SATB1: variants seen among roughly 807,000 people sequenced by gnomAD.
The protein encoded by SATB1 is DNA-binding protein SATB1.
In SATB1, 11 loss-of-function variants were observed where a neutral mutation model predicts 86.9. That is an observed-to-expected ratio of 0.13 (90% confidence interval 0.08 to 0.21). The LOEUF (loss-of-function observed/expected upper bound fraction) is 0.21, where lower values mean the gene tolerates loss of function less well. Ranked by LOEUF, SATB1 falls within the 10% of genes least tolerant of loss-of-function variation. The pLI, the probability that SATB1 is intolerant of heterozygous loss-of-function variation, is 1.00. For missense variants in SATB1, 551 were observed against 937.6 expected (o/e 0.59, Z 5.39); for synonymous variants, 357 against 357.2 (o/e 1.00, Z 0.01).
rs1395378578 is a variant in SATB1, at chr3:18,386,142, T to C, written c.1419+257A>G. 6.6e-6 allele frequency among the ~76,000 whole-genome samples: 1 copy of C among 152,142 alleles called. No homozygotes were observed. Among genetic ancestry groups the C allele is most frequent in the Non-Finnish European group, 1.5e-5 (1 of 68,020 alleles). On this transcript the variant is annotated intron_variant, in intron 8 of 10. Transcript: ENST00000338745. This position sits in a 1 kb window ranked among gnomAD's most constrained non-coding sequence, Gnocchi z 4.5. Reference sequence around the variant, plus strand: ...AACAACAGTAGAGACAAATATCCCATTTAAAGACTACTTTCACCCCCAAAT... The same window carrying C: ...AACAACAGTAGAGACAAATATCCCACTTAAAGACTACTTTCACCCCCAAAT...
chr3:18,356,644 G>A (rs1295692505), intron 9 of SATB1, among the ~76,000 whole-genome samples: 1 of 151,668 alleles, frequency 6.6e-6, no homozygotes, highest in African/African-American at 2.4e-5. Flanking sequence ...TAAAAATCCT[G>A]GCACCTTCAT....
chr3:18,397,401 C>A, intron 5 of SATB1, 111 bp from the exon 6 acceptor site: 4 of 677,346 alleles, frequency 5.9e-6, no homozygotes, highest in South Asian at 3.5e-5. Context: ...AGTACCAATA[C>A]ATTTTGGTTT....
intron 9 of SATB1, among the ~76,000 whole-genome samples, chr3:18,354,873 C>T (rs1694553434): frequency 6.6e-6 from 1 of 152,108 alleles, no homozygotes; most frequent in Admixed American, 6.5e-5. Context: ...ATATTTTGCT[C>T]ATATTGTCAC....
chr3:18,436,445 G>C (rs1460067020), intron 2 of SATB1, among the ~76,000 whole-genome samples: 3 of 149,532 alleles, frequency 2.0e-5, no homozygotes, highest in African/African-American at 7.4e-5. Flanking sequence ...AGCTGAGCAG[G>C]CACACTTAAC....
At chr3:18,406,561 G>A (rs1697547779) in intron 5 of SATB1, among the ~76,000 whole-genome samples, 1 of 152,010 alleles carries the variant, frequency 6.6e-6, no homozygotes, top group African/African-American at 2.4e-5. Context: ...TGCTGCATAT[G>A]TTTTTAAAGC....
chr3:18,445,187 C>CCGCCT, intron 1 of SATB1: 1 of 977,292 alleles, frequency 1.0e-6, no homozygotes, highest in South Asian at 4.7e-5. Flanking sequence ...AGGGCCCGGC[C>CCGCCT]CGCCTCCCCA....
chr3:18,379,153 A>G (rs554661455), intron 8 of SATB1, among the ~76,000 whole-genome samples: 1 of 152,366 alleles, frequency 6.6e-6, no homozygotes, highest in African/African-American at 2.4e-5. Context: ...TGCCTTTAGT[A>G]ATAGTGATAA....
Position 18,394,909 on chromosome 3 carries a change from C to A in SATB1, c.759G>T (p.Met253Ile), listed in dbSNP as rs1247937058. ...FKKTKDMMVE[M>I]DSLSELSQQG... ...GCTGGGATAGCTCAGAAAGACTATC[C>A]ATTTCAACTAAAGTGGACAAAGAGT... The change falls in exon 7 of 11, where the codon ATG becomes ATT. Residue 253 changes from methionine to isoleucine, a missense_variant. Physicochemically the swap from Met to Ile is conservative, Grantham distance 10. Transcript: ENST00000338745. The surrounding 1 kb of genome is among the most constrained non-coding windows in gnomAD (Gnocchi z 5.9). 1.3e-6 allele frequency: 2 copies of A among 1,583,528 alleles called. No homozygotes were observed. Among genetic ancestry groups the A allele is most frequent in the Admixed American group, 1.7e-5 (1 of 57,842 alleles).
rs1391167658 is a variant in SATB1, at chr3:18,349,857, C to T, written c.1780-175G>A. The T allele has an allele frequency of 1.5e-5, 18 of 1,161,848 alleles. No individual in the cohort carries two copies. The highest frequency in any genetic ancestry group is 4.7e-5 in the African/African-American group (3 of 64,146). The allele number at this position is 1,161,848 out of a possible 1,614,324, so 72.0% of individuals were successfully genotyped here. A position where few individuals can be genotyped will look rare whatever the true frequency, so the allele number is the denominator to read the frequency against. ...TGGCCGACAGCATTTACAAAAAAATCAAAATGATATGACTAGGAAGGGATG... is the reference window on the plus strand; with the variant it reads ...TGGCCGACAGCATTTACAAAAAAATTAAAATGATATGACTAGGAAGGGATG... On this transcript the variant is annotated intron_variant, in intron 10 of 10. Coordinates refer to ENST00000338745, the MANE Select transcript of SATB1 (RefSeq NM_002971.6). This position sits in a 1 kb window ranked among gnomAD's most constrained non-coding sequence, Gnocchi z 5.5.
chr3:18,386,341 C>G lies in SATB1; in HGVS notation c.1419+58G>C. 7 of 1,284,776 alleles carry G rather than the reference C, an allele frequency of 5.4e-6. No individual in the cohort carries two copies. The highest frequency in any genetic ancestry group is 7.8e-6 in the Non-Finnish European group (7 of 898,016). The allele number at this position is 1,284,776 out of a possible 1,614,324, so 79.6% of individuals were successfully genotyped here. ...TATCTAATTTCTTATTGAGATTCTT[C>G]CTCAAGCATTAAAAAAAAGCTAAAC... On this transcript the variant is annotated intron_variant, in intron 8 of 10. Coordinates refer to ENST00000338745, the MANE Select transcript of SATB1 (RefSeq NM_002971.6). The surrounding 1 kb of genome is among the most constrained non-coding windows in gnomAD (Gnocchi z 4.5).
intron 5 of SATB1, among the ~76,000 whole-genome samples, chr3:18,404,921 C>A (rs183349732): frequency 6.6e-6 from 1 of 151,940 alleles, no homozygotes; most frequent in African/African-American, 2.4e-5. Flanking sequence ...GGGAACTGAA[C>A]TAGATAATCT....
chr3:18,368,444 GGAGTA>G (rs1387143612), intron 9 of SATB1, among the ~76,000 whole-genome samples: 3 of 152,024 alleles, frequency 2.0e-5, no homozygotes, highest in Admixed American at 2.0e-4. Context: ...AAGTTATCGT[GGAGTA>G]AACACAAAAC....
intron 5 of SATB1, among the ~76,000 whole-genome samples, chr3:18,400,142 T>C (rs558855258): frequency 1.2e-4 from 18 of 152,140 alleles, no homozygotes; most frequent in Non-Finnish European, 2.4e-4. Flanking sequence ...AAAGTCATGA[T>C]TGGTAAAATT....
At chr3:18,361,871 A>G (rs1427740599) in intron 9 of SATB1, among the ~76,000 whole-genome samples, 3 of 152,286 alleles carry the variant, frequency 2.0e-5, no homozygotes, top group Admixed American at 1.3e-4. Flanking sequence ...ATATATACAT[A>G]TAGATACATG....
rs75655806 is a variant in SATB1 at position 18,444,292 on chromosome 3, G to A, written c.-25+1226C>T. 8.4e-3 allele frequency among the ~76,000 whole-genome samples: 1,281 copies of A among 152,112 alleles called. 25 individuals are homozygous for A. Among genetic ancestry groups the A allele is most frequent in the African/African-American group, 0.029 (1,195 of 41,494 alleles). Reference sequence around the variant, plus strand: ...CCATACCGGTGACCTGAAGGAGTTTGTTCAGCCAGGGTCTATTGGGCAGGT... The same window carrying A: ...CCATACCGGTGACCTGAAGGAGTTTATTCAGCCAGGGTCTATTGGGCAGGT... On this transcript the variant is annotated intron_variant, in intron 1 of 3. Transcript: ENST00000415069. The surrounding 1 kb of genome is among the most constrained non-coding windows in gnomAD (Gnocchi z 5.1).
chr3:18,364,779 A>T (rs974328159), intron 9 of SATB1, among the ~76,000 whole-genome samples: 4 of 152,134 alleles, frequency 2.6e-5, no homozygotes, highest in Non-Finnish European at 5.9e-5. Flanking sequence ...CTGTTCCAGA[A>T]CTATCTCCTA....
intron 9 of SATB1, among the ~76,000 whole-genome samples, chr3:18,368,402 T>A (rs1433837219): frequency 6.6e-6 from 1 of 151,770 alleles, no homozygotes; most frequent in Admixed American, 6.6e-5. Context: ...AAACTATGAA[T>A]AGGAAGAAAA....
intron 5 of SATB1, among the ~76,000 whole-genome samples, chr3:18,406,080 CAT>C (rs1697515965): frequency 6.6e-6 from 1 of 151,960 alleles, no homozygotes; most frequent in African/African-American, 2.4e-5. Context: ...CATCACTAAA[CAT>C]GTGTTTTCCA....
At chr3:18,435,932 A>T (rs1041145370) in intron 2 of SATB1, among the ~76,000 whole-genome samples, 1 of 152,182 alleles carries the variant, frequency 6.6e-6, no homozygotes, top group African/African-American at 2.4e-5. Flanking sequence ...CCACTTAAGA[A>T]ATTCTGTCTT....
Sources: gnomAD v4.1 joint callset for allele counts (sites outside exome capture counted in the v4.1 genomes callset) on GRCh38, gnomAD v4.1.1 for gene constraint, Gnocchi (gnomAD v3.1) non-coding constraint, MANE v1.5 for transcripts, NCBI Gene and HGNC (gene_info 2026-07-23, HGNC 2026-07-21) for gene names.